The following SGCD variants were observed in gnomAD, a reference collection of about 807,000 sequenced individuals.
SGCD encodes delta-sarcoglycan.
A neutral mutation model predicts 36.6 loss-of-function variants in SGCD; 18 were observed. The ratio of observed to expected loss-of-function variants is 0.49; its 90% confidence interval spans 0.34 to 0.73. The LOEUF (loss-of-function observed/expected upper bound fraction) is 0.73. Among genes scored for constraint, SGCD ranks in the 30% least tolerant of loss-of-function variants. The pLI, the probability that SGCD is intolerant of heterozygous loss-of-function variation, is 0.01. For missense variants in SGCD, 387 were observed against 346.7 expected, an observed-to-expected ratio of 1.12 and a Z score of -0.92; for synonymous variants, 133 against 130.6, an observed-to-expected ratio of 1.02 and a Z score of -0.12.
At chr5:156,742,125 C>T (rs1283101668) in intron 7 of SGCD, among the ~76,000 whole-genome samples, 3 of 152,180 alleles carry the variant, frequency 2.0e-5, no homozygotes, top group African/African-American at 7.2e-5. Context: ...ATCCACCCGC[C>T]TCGGCCTCCC....
At chr5:156,477,419 T>G (rs181736066) in intron 3 of SGCD, among the ~76,000 whole-genome samples, 31 of 152,278 alleles carry the variant, frequency 2.0e-4, no homozygotes, top group Admixed American at 1.8e-3. Context: ...TGGCCACTCT[T>G]AGATAATGAG....
chr5:155,931,096 C>G (rs1757090749), intron 1 of SGCD, among the ~76,000 whole-genome samples: 1 of 151,974 alleles, frequency 6.6e-6, no homozygotes, highest in African/African-American at 2.4e-5. Context: ...GGGATATGTT[C>G]CTAAACTGAA....
upstream of SGCD, among the ~76,000 whole-genome samples, chr5:155,867,055 A>G (rs1484726491): frequency 6.6e-6 from 1 of 152,202 alleles, no homozygotes; most frequent in Non-Finnish European, 1.5e-5. Context: ...TTCTAGAGAA[A>G]ATGATGGAGA....
intron 6 of SGCD, among the ~76,000 whole-genome samples, chr5:156,619,374 T>C (rs111376671): frequency 1.3e-5 from 2 of 152,186 alleles, no homozygotes; most frequent in Non-Finnish European, 2.9e-5. Context: ...GTTTTGTTTT[T>C]CTGTTTGCGG....
chr5:155,943,505 A>C (rs1432771670), intron 1 of SGCD, among the ~76,000 whole-genome samples: 1 of 152,180 alleles, frequency 6.6e-6, no homozygotes, highest in Non-Finnish European at 1.5e-5. Flanking sequence ...CATATATAAG[A>C]CATGATGGTT....
chr5:155,799,316 C>CTA, the SGCD span, among the ~76,000 whole-genome samples: 1 of 151,930 alleles, frequency 6.6e-6, no homozygotes, highest in African/African-American at 2.4e-5. Flanking sequence ...GAGGTTGCTA[C>CTA]TGTTATATGG....
chr5:156,516,512 G>A (rs1757177286), intron 4 of SGCD, among the ~76,000 whole-genome samples: 1 of 152,138 alleles, frequency 6.6e-6, no homozygotes, highest in Non-Finnish European at 1.5e-5. Flanking sequence ...CTATCCAAAG[G>A]TCAGCAGCCT....
At chr5:155,881,465 T>C (rs985515198) in intron 1 of SGCD, among the ~76,000 whole-genome samples, 4 of 152,174 alleles carry the variant, frequency 2.6e-5, no homozygotes, top group Non-Finnish European at 4.4e-5. Flanking sequence ...TAAAAAATAC[T>C]ATATTGCTAA....
At chr5:156,050,582 C>T (rs1561697009) in intron 1 of SGCD, among the ~76,000 whole-genome samples, 1 of 146,400 alleles carries the variant, frequency 6.8e-6, no homozygotes, top group Admixed American at 6.8e-5. Context: ...ATATAGCTCT[C>T]TTTAACCATA....
At chr5:156,433,745 T>C (rs1753125997) in intron 3 of SGCD, among the ~76,000 whole-genome samples, 1 of 152,190 alleles carries the variant, frequency 6.6e-6, no homozygotes, top group Non-Finnish European at 1.5e-5. Flanking sequence ...TGTCACCATA[T>C]GCAGCTTGAT....
intron 2 of SGCD, among the ~76,000 whole-genome samples, chr5:156,123,404 C>T (rs32379): frequency 0.4 from 61,061 of 151,792 alleles, 12,731 homozygotes; most frequent in African/African-American, 0.5. Context: ...AAGATTGGTA[C>T]CTTAGAAGTC....
At chr5:156,049,478 G>C (rs199562833) in intron 1 of SGCD, among the ~76,000 whole-genome samples, 2 of 145,988 alleles carry the variant, frequency 1.4e-5, no homozygotes, top group East Asian at 3.9e-4. Context: ...TCTTCCATTT[G>C]TTTGTATCCT....
chr5:156,448,802 G>C (rs141260342), intron 3 of SGCD, among the ~76,000 whole-genome samples: 174 of 134,656 alleles, frequency 1.3e-3, no homozygotes, highest in African/African-American at 4.7e-3. Flanking sequence ...AGGCTAGAGT[G>C]CAGTGGCACA....
intron 7 of SGCD, among the ~76,000 whole-genome samples, chr5:156,667,100 C>T (rs1753077554): frequency 6.6e-6 from 1 of 152,178 alleles, no homozygotes; most frequent in Non-Finnish European, 1.5e-5. Context: ...TTTCAAATTT[C>T]AGATTTTCAG....
At chr5:156,307,477 T>A (rs78912318) in intron 3 of SGCD, among the ~76,000 whole-genome samples, 3,124 of 152,074 alleles carry the variant, frequency 0.021, 37 homozygotes, top group African/African-American at 0.027. Context: ...ATTTAAATCA[T>A]TTACATTTCA....
At chr5:156,144,329 G>T (rs559503105) in intron 3 of SGCD, among the ~76,000 whole-genome samples, 1 of 152,038 alleles carries the variant, frequency 6.6e-6, no homozygotes, top group Non-Finnish European at 1.5e-5. Context: ...TTCCACAATG[G>T]TTGAACTAGT....
At chr5:156,170,528 T>C (rs1025104199) in intron 3 of SGCD, among the ~76,000 whole-genome samples, 1 of 152,136 alleles carries the variant, frequency 6.6e-6, no homozygotes. Flanking sequence ...ACACCACTTG[T>C]CACCACTTGT....
chr5:156,721,297 G>T (rs868399868), intron 7 of SGCD, among the ~76,000 whole-genome samples: 6 of 152,266 alleles, frequency 3.9e-5, no homozygotes, highest in Middle Eastern at 6.8e-3. Context: ...TCACCTAGGA[G>T]GTAAGTATTG....
At chr5:156,098,599 GTATA>G (rs72288706) in intron 1 of SGCD, among the ~76,000 whole-genome samples, 82 of 147,434 alleles carry the variant, frequency 5.6e-4, no homozygotes, top group African/African-American at 1.1e-3. Flanking sequence ...GTGTGTATGT[GTATA>G]TATATATATA....
Sources: gnomAD v4.1 joint callset for allele counts (sites outside exome capture counted in the v4.1 genomes callset) on GRCh38, gnomAD v4.1.1 for gene constraint, MANE v1.5 for transcripts, NCBI Gene and HGNC (gene_info 2026-07-23, HGNC 2026-07-21) for gene names.